The following PABPC4L variants were observed in gnomAD, a reference collection of about 807,000 sequenced individuals.
The protein encoded by PABPC4L is poly(A) binding protein cytoplasmic 4 like, also known as polyadenylate-binding protein 4-like.
For synonymous variants in PABPC4L, 169 were observed against 164.1 expected (o/e 1.03, Z -0.23); for missense variants, 452 against 451.4 (o/e 1.00, Z -0.01).
At chr4:133,988,520 C>T in the PABPC4L span, among the ~76,000 whole-genome samples, 5 of 152,196 alleles carry the variant, frequency 3.3e-5, no homozygotes, top group Admixed American at 2.0e-4. Flanking sequence ...TCCTTTAACC[C>T]CATGTCTCAC....
At chr4:134,036,154 G>C in the PABPC4L span, among the ~76,000 whole-genome samples, 1 of 152,026 alleles carries the variant, frequency 6.6e-6, no homozygotes, top group East Asian at 1.9e-4. Context: ...GCTGTAAATA[G>C]ATAATAAAAG....
the PABPC4L span, among the ~76,000 whole-genome samples, chr4:134,172,039 A>G: frequency 2.6e-5 from 4 of 152,182 alleles, no homozygotes; most frequent in African/African-American, 4.8e-5. Flanking sequence ...ATGAAAAAAA[A>G]CATTCCATGC....
At chr4:134,186,055 G>T in the PABPC4L span, among the ~76,000 whole-genome samples, 1 of 152,042 alleles carries the variant, frequency 6.6e-6, no homozygotes, top group Non-Finnish European at 1.5e-5. Flanking sequence ...ACAAATGGAA[G>T]AACATTCCAT....
At chr4:134,162,694 T>G in the PABPC4L span, among the ~76,000 whole-genome samples, 1 of 152,054 alleles carries the variant, frequency 6.6e-6, no homozygotes, top group Non-Finnish European at 1.5e-5. Flanking sequence ...AAACTAGAAG[T>G]CAACTCCAAA....
At chr4:134,009,643 T>C in the PABPC4L span, among the ~76,000 whole-genome samples, 3 of 152,030 alleles carry the variant, frequency 2.0e-5, no homozygotes, top group African/African-American at 7.2e-5. Flanking sequence ...AGAACATTTT[T>C]TTCAGGCATA....
chr4:134,090,286 G>C, the PABPC4L span, among the ~76,000 whole-genome samples: 1 of 151,980 alleles, frequency 6.6e-6, no homozygotes, highest in African/African-American at 2.4e-5. Flanking sequence ...TTGGTGTCTT[G>C]TGATTTTATA....
the PABPC4L span, among the ~76,000 whole-genome samples, chr4:134,110,734 T>C: frequency 6.6e-6 from 1 of 151,906 alleles, no homozygotes; most frequent in African/African-American, 2.4e-5. Context: ...CCTGTATATG[T>C]TAAATCATCT....
chr4:134,050,493 TGAG>T, the PABPC4L span, among the ~76,000 whole-genome samples: 1 of 151,648 alleles, frequency 6.6e-6, no homozygotes, highest in East Asian at 1.9e-4. Context: ...TCACCTGAGG[TGAG>T]GAGTTCAAGA....
chr4:134,120,960 T>G, the PABPC4L span, among the ~76,000 whole-genome samples: 1 of 151,398 alleles, frequency 6.6e-6, no homozygotes, highest in Non-Finnish European at 1.5e-5. Context: ...TTTTTCACAT[T>G]TCTAAATGTG....
Position 134,201,461 on chromosome 4 carries a change from C to T in PABPC4L, c.-226-216G>A, listed in dbSNP as rs554408430. ...AAGCGGAGGCGTCAGAGGCCCCAGC[C>T]GTGGAGTATGGGCTGCGAGGTTCTG... On this transcript the variant is annotated intron_variant, in intron 1 of 1. Coordinates refer to ENST00000421491, the MANE Select transcript of PABPC4L (RefSeq NM_001114734.2). 2.6e-3 allele frequency among the ~76,000 whole-genome samples: 393 copies of T among 152,238 alleles called. 1 individual carries two copies. Among genetic ancestry groups the T allele is most frequent in the Admixed American group, 3.4e-3 (52 of 15,286 alleles).
chr4:133,967,819 C>A, the PABPC4L span, among the ~76,000 whole-genome samples: 1 of 152,122 alleles, frequency 6.6e-6, no homozygotes, highest in Non-Finnish European at 1.5e-5. Flanking sequence ...AGGACTCAGG[C>A]AAAGTGTAGG....
chr4:134,093,156 T>C, the PABPC4L span, among the ~76,000 whole-genome samples: 4 of 151,562 alleles, frequency 2.6e-5, no homozygotes, highest in Admixed American at 6.6e-5. Flanking sequence ...AGGATTTTTA[T>C]GTATCTTTTT....
At chr4:134,113,755 G>C in the PABPC4L span, among the ~76,000 whole-genome samples, 4 of 151,816 alleles carry the variant, frequency 2.6e-5, no homozygotes, top group Admixed American at 2.6e-4. Context: ...GTGGTTGAAC[G>C]TAAGTAGCAT....
the PABPC4L span, among the ~76,000 whole-genome samples, chr4:134,162,566 C>G: frequency 6.6e-6 from 1 of 152,090 alleles, no homozygotes; most frequent in South Asian, 2.1e-4. Context: ...AATGTACACT[C>G]TTCTCATCAG....
the PABPC4L span, among the ~76,000 whole-genome samples, chr4:134,182,430 C>G: frequency 2.0e-5 from 3 of 151,870 alleles, no homozygotes; most frequent in Non-Finnish European, 2.9e-5. Context: ...CCTTTCCTTA[C>G]GTCATATACA....
chr4:134,059,086 G>T, the PABPC4L span, among the ~76,000 whole-genome samples: 1 of 151,958 alleles, frequency 6.6e-6, no homozygotes, highest in Non-Finnish European at 1.5e-5. Context: ...TTATTTAAAA[G>T]TCTGTATCAG....
At chr4:134,133,345 A>G in the PABPC4L span, among the ~76,000 whole-genome samples, 1 of 142,150 alleles carries the variant, frequency 7.0e-6, no homozygotes. Context: ...ATAATATATA[A>G]CCATATCTTA....
At chr4:134,127,142 A>C in the PABPC4L span, among the ~76,000 whole-genome samples, 985 of 152,098 alleles carry the variant, frequency 6.5e-3, 9 homozygotes, top group African/African-American at 0.022. Flanking sequence ...CCACTCAAGG[A>C]GAGTCAGCTC....
chr4:134,086,990 C>A, the PABPC4L span, among the ~76,000 whole-genome samples: 547 of 136,212 alleles, frequency 4.0e-3, 2 homozygotes, highest in African/African-American at 0.014. Flanking sequence ...GTGTGATGTT[C>A]CCCTTCCTGT....
Sources: allele counts gnomAD v4.1 joint callset (sites outside exome capture counted in the v4.1 genomes callset), GRCh38; gene constraint gnomAD v4.1.1; transcripts MANE v1.5; gene names NCBI Gene and HGNC (gene_info 2026-07-23, HGNC 2026-07-21).